The following OOSP1 variants were observed in gnomAD, a reference collection of about 807,000 sequenced individuals.
OOSP1 encodes oocyte secreted protein 1.
Under a neutral mutation model 5.7 loss-of-function variants are expected in OOSP1, and 11 were observed. The observed-to-expected ratio is 1.94, with a 90% CI of 1.22 to 3.20. OOSP1 has a LOEUF of 3.20. Ranked by LOEUF, OOSP1 falls within the 30% of genes most tolerant of loss-of-function variation. The pLI, the probability that OOSP1 is intolerant of heterozygous loss-of-function variation, is 0.00. For missense variants in OOSP1, 83 were observed against 54.1 expected (o/e 1.53, Z -1.67); for synonymous variants, 44 against 20.0 (o/e 2.20, Z -3.20).
At chr11:59,942,716 T>C in intron 1 of OOSP1, 131 bp from the exon 2 acceptor site, 2 of 574,978 alleles carry the variant, frequency 3.5e-6, no homozygotes, top group Non-Finnish European at 3.1e-6. Flanking sequence ...TTTGCAAACT[T>C]GTTCACCTCT....
intron 3 of OOSP1, among the ~76,000 whole-genome samples, chr11:59,946,968 TG>T (rs1853891420): frequency 6.8e-6 from 1 of 147,708 alleles, no homozygotes; most frequent in Non-Finnish European, 1.5e-5. Context: ...TCTATCTATC[TG>T]TCTATCTACT....
At position 59,957,244 on chromosome 11, in the gene OOSP1, G is replaced by A. The variant is rs983103365; in HGVS notation, c.536G>A (p.Arg179Lys). The stretch of plus-strand genomic sequence containing the variant: ...AGATATCTGCTAATATTTATCTCAA[G>A]AACATTACCAAGGCGATGACTCATG... The change falls in exon 5 of 5, where the codon AGA becomes AAA. Residue 179 changes from arginine to lysine, a missense_variant. Coordinates refer to ENST00000646685, the Ensembl canonical transcript of OOSP1. 138 of 397,818 alleles carry A rather than the reference G, an allele frequency of 3.5e-4. 1 individual carries two copies. The highest frequency in any genetic ancestry group is 2.4e-3 in the African/African-American group (115 of 48,560). The allele number at this position is 397,818 out of a possible 1,614,324, so 24.6% of individuals were successfully genotyped here.
At chr11:59,940,089 G>A (rs891059321) in intron 1 of OOSP1, among the ~76,000 whole-genome samples, 2 of 152,204 alleles carry the variant, frequency 1.3e-5, no homozygotes, top group Admixed American at 1.3e-4. Context: ...GTGAAAGGTT[G>A]TGTATACTTG....
At chr11:59,951,745 T>C (rs2134573212) in intron 4 of OOSP1, among the ~76,000 whole-genome samples, 1 of 149,120 alleles carries the variant, frequency 6.7e-6, no homozygotes, top group South Asian at 2.1e-4. Flanking sequence ...AGTCTCATTC[T>C]GTCGCCAGGC....
At chr11:59,947,150 G>A (rs1853893267) in intron 3 of OOSP1, among the ~76,000 whole-genome samples, 1 of 151,996 alleles carries the variant, frequency 6.6e-6, no homozygotes, top group Non-Finnish European at 1.5e-5. Flanking sequence ...TTACAGAAGA[G>A]CCATATTACA....
intron 3 of OOSP1, among the ~76,000 whole-genome samples, chr11:59,946,974 T>C (rs1399471080): frequency 6.7e-6 from 1 of 148,680 alleles, no homozygotes; most frequent in Non-Finnish European, 1.5e-5. Context: ...TATCTGTCTA[T>C]CTACTCTGTA....
chr11:59,945,586 C>CA (rs530206371), intron 3 of OOSP1, among the ~76,000 whole-genome samples: 4,121 of 136,192 alleles, frequency 0.03, 77 homozygotes, highest in Admixed American at 0.065. Flanking sequence ...CTAAAAATAC[C>CA]AAAAAAAAAA....
At position 59,938,537 on chromosome 11, in the gene OOSP1, C is replaced by A. The variant is rs777230334; in HGVS notation, c.76+7C>A. On this transcript the variant is annotated splice_region_variant and intron_variant, in intron 1 of 4. Transcript: ENST00000646685. Reference sequence around the variant, plus strand: ...TGCGCTGGGGACTGGTCAGGTATAACTTATCACTTGGGGAATAGAAGTTTC... The same window carrying A: ...TGCGCTGGGGACTGGTCAGGTATAAATTATCACTTGGGGAATAGAAGTTTC... 16 of 538,108 alleles carry A rather than the reference C, an allele frequency of 3.0e-5. No homozygotes were observed. The South Asian group carries it at 4.0e-4, about 13-fold the overall frequency. The allele number at this position is 538,108 out of a possible 1,614,324, so 33.3% of individuals were successfully genotyped here. A position where few individuals can be genotyped will look rare whatever the true frequency, so the allele number is the denominator to read the frequency against.
intron 4 of OOSP1, chr11:59,948,645 G>A (rs1424938688): frequency 1.0e-5 from 4 of 396,764 alleles, no homozygotes; most frequent in African/African-American, 6.2e-5. Context: ...GCTCTTAGAA[G>A]TAGGGAAGTA....
rs368188181 is a variant in OOSP1, at chr11:59,953,389, A to T, written c.487-3806A>T. 2.3e-3 allele frequency among the ~76,000 whole-genome samples: 349 copies of T among 152,052 alleles called. 1 individual carries two copies. Among genetic ancestry groups the T allele is most frequent in the East Asian group, 6.8e-3 (35 of 5,168 alleles). On this transcript the variant is annotated intron_variant, in intron 4 of 4. Transcript: ENST00000646685. ...TCTCTTAGATCTCATATATATATAT[A>T]TTTTTTCTCTCTAGGAAGATGATTC...
chr11:59,951,636 T>C (rs975987758), intron 4 of OOSP1, among the ~76,000 whole-genome samples: 1 of 151,956 alleles, frequency 6.6e-6, no homozygotes, highest in African/African-American at 2.4e-5. Flanking sequence ...GTATAAATCA[T>C]ACATTTCAGA....
chr11:59,946,317 A>G (rs1853883296), intron 3 of OOSP1, among the ~76,000 whole-genome samples: 1 of 152,210 alleles, frequency 6.6e-6, no homozygotes, highest in Non-Finnish European at 1.5e-5. Context: ...TATCAGTGCA[A>G]AAATTGTCTT....
At chr11:59,950,826 G>C (rs1214296804) in intron 4 of OOSP1, among the ~76,000 whole-genome samples, 1 of 151,970 alleles carries the variant, frequency 6.6e-6, no homozygotes, top group Admixed American at 6.6e-5. Flanking sequence ...TAGAAATGGG[G>C]TCATTGTAGG....
chr11:59,953,428 A>G (rs543494323), intron 4 of OOSP1, among the ~76,000 whole-genome samples: 1 of 152,268 alleles, frequency 6.6e-6, no homozygotes, highest in South Asian at 2.1e-4. Flanking sequence ...ACTGTTTCCT[A>G]AGACAGAAAT....
intron 4 of OOSP1, among the ~76,000 whole-genome samples, chr11:59,954,014 ACAC>A (rs1253690445): frequency 6.6e-6 from 1 of 152,230 alleles, no homozygotes; most frequent in African/African-American, 2.4e-5. Flanking sequence ...AGCCCATTTT[ACAC>A]CTAGGCTATA....
Position 59,956,943 on chromosome 11 carries a change from C to A in OOSP1, c.487-252C>A, listed in dbSNP as rs141720408. ...TATATATATATAACAGTTTCTTTATCCACTCGTTGATTGATGGGCATTTGG... is the reference window on the plus strand; with the variant it reads ...TATATATATATAACAGTTTCTTTATACACTCGTTGATTGATGGGCATTTGG... On this transcript the variant is annotated intron_variant, in intron 4 of 4. Transcript: ENST00000646685. Among the ~76,000 whole-genome samples, 9 of 152,104 alleles carry A rather than the reference C, an allele frequency of 5.9e-5. No homozygotes were observed. The East Asian group carries it at 1.7e-3, about 29-fold the overall frequency.
rs1190863708 is a variant in OOSP1 at position 59,949,266 on chromosome 11, A to G, written c.486+1404A>G. ...AGGAGGCAGAGTATACACAAAAAAC[A>G]TACTCTATGGTATTTTAAGAAAGAG... On this transcript the variant is annotated intron_variant, in intron 4 of 4. Transcript: ENST00000646685. 2.0e-5 allele frequency among the ~76,000 whole-genome samples: 3 copies of G among 152,242 alleles called. No individual in the cohort carries two copies. The East Asian group carries it at 5.8e-4, about 29-fold the overall frequency.
At chr11:59,957,359 A>T (rs973840215) in exon 5 of OOSP1, 2 of 394,892 alleles carry the variant, frequency 5.1e-6, no homozygotes, top group Non-Finnish European at 8.9e-6. Context: ...GTTTGGAGAG[A>T]ACATTAAATG....
chr11:59,944,828 T>C (rs549050436), intron 2 of OOSP1, among the ~76,000 whole-genome samples: 1 of 152,356 alleles, frequency 6.6e-6, no homozygotes, highest in South Asian at 2.1e-4. Context: ...TCATATGATC[T>C]CAAAGCCCAT....
Sources: allele counts gnomAD v4.1 joint callset (sites outside exome capture counted in the v4.1 genomes callset), GRCh38; gene constraint gnomAD v4.1.1; transcripts MANE v1.5; gene names NCBI Gene and HGNC (gene_info 2026-07-23, HGNC 2026-07-21).